Variants in BEND5 observed in about 807,000 individuals in gnomAD.
BEND5 encodes BEN domain containing 5.
Under a neutral mutation model 43.9 loss-of-function variants are expected in BEND5, and 22 were observed. The observed-to-expected ratio is 0.50, with a 90% CI of 0.36 to 0.72. BEND5 has a LOEUF of 0.72. BEND5 is among the 30% of genes least tolerant of loss of function. The probability of loss-of-function intolerance (pLI) is 0.00; values close to 1 mark genes in which losing one functional copy is unlikely to be tolerated. For missense variants in BEND5, 428 were observed against 550.6 expected (o/e 0.78, Z 2.23); for synonymous variants, 228 against 225.9 (o/e 1.01, Z -0.08).
intron 3 of BEND5, among the ~76,000 whole-genome samples, chr1:48,749,673 A>G (rs1483666007): frequency 6.6e-6 from 1 of 152,102 alleles, no homozygotes; most frequent in Non-Finnish European, 1.5e-5. Context: ...CACAATCATG[A>G]GGGGTGCGGT....
chr1:48,771,919 C>G (rs769129114), intron 1 of BEND5, among the ~76,000 whole-genome samples: 5 of 152,216 alleles, frequency 3.3e-5, no homozygotes, highest in Non-Finnish European at 7.3e-5. Context: ...AGAATGTTGA[C>G]TTCTTCCAGA....
intron 1 of BEND5, among the ~76,000 whole-genome samples, chr1:48,763,601 T>C (rs990095949): frequency 6.6e-6 from 1 of 152,102 alleles, no homozygotes; most frequent in Non-Finnish European, 1.5e-5. Flanking sequence ...GTTTGACAAG[T>C]TGAGGGCAAA....
intron 5 of BEND5, among the ~76,000 whole-genome samples, chr1:48,730,976 C>T (rs866600785): frequency 3.3e-5 from 5 of 152,132 alleles, no homozygotes; most frequent in South Asian, 2.1e-4. Context: ...TCCAAAGCAG[C>T]GTCAATGTTT....
At chr1:48,768,247 A>G (rs1644629820) in intron 1 of BEND5, among the ~76,000 whole-genome samples, 1 of 152,182 alleles carries the variant, frequency 6.6e-6, no homozygotes, top group Non-Finnish European at 1.5e-5. Flanking sequence ...ACACCCTAAG[A>G]GAATACTGTG....
intron 2 of BEND5, 88 bp downstream of exon 2, chr1:48,761,249 G>A (rs1418898887): frequency 7.5e-7 from 1 of 1,335,336 alleles, no homozygotes; most frequent in African/African-American, 1.5e-5. Context: ...CATTTACATG[G>A]GGAGAGGAAG....
chr1:48,732,025 T>A (rs908898922), intron 5 of BEND5, among the ~76,000 whole-genome samples: 2 of 152,136 alleles, frequency 1.3e-5, no homozygotes, highest in Non-Finnish European at 2.9e-5. Flanking sequence ...GTTCTCTCCA[T>A]ATTTGGAAAA....
At chr1:48,766,723 C>G (rs1017432800) in intron 1 of BEND5, among the ~76,000 whole-genome samples, 5 of 152,182 alleles carry the variant, frequency 3.3e-5, no homozygotes, top group African/African-American at 1.2e-4. Context: ...TTTCGAGGCT[C>G]CTCTGAGAGT....
chr1:48,741,778 G>A (rs1649949229), intron 4 of BEND5, among the ~76,000 whole-genome samples: 2 of 152,174 alleles, frequency 1.3e-5, no homozygotes, highest in South Asian at 2.1e-4. Flanking sequence ...CACATGACGC[G>A]TTAAGGAGAA....
At chr1:48,763,667 G>A (rs374287664) in intron 1 of BEND5, among the ~76,000 whole-genome samples, 7 of 152,264 alleles carry the variant, frequency 4.6e-5, no homozygotes, top group East Asian at 1.9e-4. Flanking sequence ...GCCTTCCTGC[G>A]CTGAAACTCT....
At position 48,736,917 on chromosome 1, in the gene BEND5, G is replaced by A. The variant is rs1332798302; in HGVS notation, c.895-465C>T. ...CACCTTCCTTTAATGTGAACATTCTGGGACATATACCTTCCTAGTATGGTG... is the reference window on the plus strand; with the variant it reads ...CACCTTCCTTTAATGTGAACATTCTAGGACATATACCTTCCTAGTATGGTG... On this transcript the variant is annotated intron_variant, in intron 4 of 5. Coordinates refer to ENST00000371833, the MANE Select transcript of BEND5 (RefSeq NM_024603.4). This position sits in a 1 kb window ranked among gnomAD's most constrained non-coding sequence, Gnocchi z 4.0. 6.6e-6 allele frequency among the ~76,000 whole-genome samples: 1 copy of A among 152,130 alleles called. No homozygotes were observed. The highest frequency in any genetic ancestry group is 1.9e-4 in the East Asian group (1 of 5,192).
At chr1:48,743,134 T>C (rs763323584) in intron 3 of BEND5, among the ~76,000 whole-genome samples, 3 of 152,166 alleles carry the variant, frequency 2.0e-5, no homozygotes, top group Non-Finnish European at 4.4e-5. Context: ...GCAAATCGTG[T>C]ATTTGCCAAA....
chr1:48,733,898 T>TGG (rs1417830693), intron 5 of BEND5, among the ~76,000 whole-genome samples: 1 of 152,124 alleles, frequency 6.6e-6, no homozygotes, highest in Non-Finnish European at 1.5e-5. Flanking sequence ...ATGAATCAGA[T>TGG]ACAGTCCCCA....
At chr1:48,742,875 TA>T in intron 3 of BEND5, 104 bp from the exon 4 acceptor site, 1 of 1,231,426 alleles carries the variant, frequency 8.1e-7, no homozygotes, top group Non-Finnish European at 1.1e-6. Flanking sequence ...AAAAATTTGC[TA>T]GCTTATTTTT....
chr1:48,735,645 A>G (rs187824425), intron 5 of BEND5, among the ~76,000 whole-genome samples: 2 of 152,004 alleles, frequency 1.3e-5, no homozygotes, highest in African/African-American at 4.8e-5. Flanking sequence ...CTGCCCTCCA[A>G]CCTCTCCCAT....
Position 48,776,662 on chromosome 1 carries a change from G to A in BEND5, c.170C>T (p.Ala57Val), listed in dbSNP as rs532358290. 2.7e-6 allele frequency: 4 copies of A among 1,494,074 alleles called. No individual in the cohort carries two copies. Among genetic ancestry groups the A allele is most frequent in the Admixed American group, 2.4e-5 (1 of 41,206 alleles). 92.6% of individuals were successfully genotyped at this position (1,494,074 alleles called of 1,614,324 possible). A position where few individuals can be genotyped will look rare whatever the true frequency, so the allele number is the denominator to read the frequency against. The change falls in exon 1 of 6, where the codon GCC becomes GTC. Residue 57 changes from alanine to valine, a missense_variant. Coordinates refer to ENST00000371833, the MANE Select transcript of BEND5 (RefSeq NM_024603.4). ...LGAGPESPPR[A>V]PRDWGALLLH... ...CAACAGCGCGCCCCAGTCGCGGGGG[G>A]CGCGCGGGGGGCTCTCGGGCCCGGC...
At chr1:48,769,518 G>A (rs1010016173) in intron 1 of BEND5, among the ~76,000 whole-genome samples, 6 of 114,946 alleles carry the variant, frequency 5.2e-5, no homozygotes, top group Admixed American at 9.5e-5. Context: ...AGTCCCAGGA[G>A]GATTTAAAAC....
intron 1 of BEND5, among the ~76,000 whole-genome samples, chr1:48,774,244 A>G (rs781131204): frequency 6.6e-6 from 1 of 152,236 alleles, no homozygotes; most frequent in Non-Finnish European, 1.5e-5. Context: ...GCCATAGCAC[A>G]GTGGTATTTA....
At chr1:48,737,969 A>G (rs1029847677) in intron 4 of BEND5, among the ~76,000 whole-genome samples, 1 of 152,226 alleles carries the variant, frequency 6.6e-6, no homozygotes, top group African/African-American at 2.4e-5. Context: ...CAGTTTGCCA[A>G]TATCACATGG....
intron 1 of BEND5, 46 bp downstream of exon 1, chr1:48,776,560 C>T: frequency 7.5e-7 from 1 of 1,336,832 alleles, no homozygotes; most frequent in South Asian, 1.7e-5. Flanking sequence ...CCCGGGGTCC[C>T]AGCCCCCGCC....
Sources: gnomAD v4.1 joint callset for allele counts (sites outside exome capture counted in the v4.1 genomes callset) on GRCh38, gnomAD v4.1.1 for gene constraint, Gnocchi (gnomAD v3.1) non-coding constraint, MANE v1.5 for transcripts, NCBI Gene and HGNC (gene_info 2026-07-23, HGNC 2026-07-21) for gene names.